The following EFNA5 variants were observed in gnomAD, a reference collection of about 807,000 sequenced individuals.
The protein encoded by EFNA5 is ephrin A5.
A neutral mutation model predicts 22.9 loss-of-function variants in EFNA5; 5 were observed. That is an observed-to-expected ratio of 0.22 (90% CI 0.11 to 0.46). The LOEUF is 0.46. Ranked by LOEUF, EFNA5 falls within the 20% of genes least tolerant of loss-of-function variation. The probability of loss-of-function intolerance (pLI) is 0.99; values close to 1 mark genes in which losing one functional copy is unlikely to be tolerated. For synonymous variants in EFNA5, 113 were observed against 112.2 expected (o/e 1.01, Z -0.04); for missense variants, 237 against 293.3 (o/e 0.81, Z 1.40).
chr5:107,417,926 A>C (rs1435045441), intron 2 of EFNA5, among the ~76,000 whole-genome samples: 3 of 152,198 alleles, frequency 2.0e-5, no homozygotes, highest in Admixed American at 6.5e-5. Flanking sequence ...AAGTCTGTAG[A>C]AATAGTATTT....
chr5:107,570,732 TTAA>T (rs1034526355), intron 1 of EFNA5, among the ~76,000 whole-genome samples: 7 of 151,964 alleles, frequency 4.6e-5, no homozygotes, highest in African/African-American at 1.7e-4. Flanking sequence ...TGAAAAAAAA[TTAA>T]TGTTGGAACC....
chr5:107,567,212 CA>C (rs532366211), intron 1 of EFNA5, among the ~76,000 whole-genome samples: 14 of 149,852 alleles, frequency 9.3e-5, no homozygotes, highest in Non-Finnish European at 1.5e-4. Context: ...CATTCCGCAC[CA>C]AAAAAAAAGG....
In EFNA5 at chr5:107,589,871, T is replaced by C. The variant is rs555934830; in HGVS notation, c.125+80618A>G. Among the ~76,000 whole-genome samples, 6 of 152,268 alleles carry C rather than the reference T, an allele frequency of 3.9e-5. No individual in the cohort carries two copies. In the East Asian group the frequency reaches 1.2e-3, roughly 29 times the overall value. On this transcript the variant is annotated intron_variant, in intron 1 of 4. Transcript: ENST00000333274. ...GCTAAGAAAACTTAAATGACTTGGGTTTTTCTTCTTCTGCTTTTAGTTAAA... is the reference window on the plus strand; with the variant it reads ...GCTAAGAAAACTTAAATGACTTGGGCTTTTCTTCTTCTGCTTTTAGTTAAA...
At chr5:107,408,149 T>C (rs1264201503) in intron 2 of EFNA5, among the ~76,000 whole-genome samples, 1 of 151,890 alleles carries the variant, frequency 6.6e-6, no homozygotes, top group Non-Finnish European at 1.5e-5. Context: ...ACTACCACAA[T>C]GTGCCCTCAG....
At chr5:107,537,844 G>T (rs1006995421) in intron 1 of EFNA5, among the ~76,000 whole-genome samples, 3 of 152,246 alleles carry the variant, frequency 2.0e-5, no homozygotes, top group East Asian at 1.9e-4. Context: ...TTAAACTATG[G>T]TCGTGAGACC....
At chr5:107,417,487 C>G (rs771270101) in intron 2 of EFNA5, among the ~76,000 whole-genome samples, 1 of 152,090 alleles carries the variant, frequency 6.6e-6, no homozygotes, top group Non-Finnish European at 1.5e-5. Flanking sequence ...CCCTATTAAA[C>G]AGAGGTAAGC....
At chr5:107,467,983 C>A (rs1482644860) in intron 1 of EFNA5, among the ~76,000 whole-genome samples, 1 of 152,196 alleles carries the variant, frequency 6.6e-6, no homozygotes, top group African/African-American at 2.4e-5. Context: ...ACATTTACAG[C>A]CAAACTTTCA....
intron 1 of EFNA5, among the ~76,000 whole-genome samples, chr5:107,495,302 C>T (rs545652780): frequency 6.6e-6 from 1 of 152,194 alleles, no homozygotes; most frequent in African/African-American, 2.4e-5. Flanking sequence ...GACGAGCCGC[C>T]TTAAGAGCTG....
At chr5:107,611,594 A>G (rs974716662) in intron 1 of EFNA5, among the ~76,000 whole-genome samples, 1 of 152,062 alleles carries the variant, frequency 6.6e-6, no homozygotes, top group Non-Finnish European at 1.5e-5. Context: ...TATTTCCTTT[A>G]TTTTTCTCTT....
At chr5:107,656,078 T>A (rs759135720) in intron 1 of EFNA5, among the ~76,000 whole-genome samples, 1 of 152,164 alleles carries the variant, frequency 6.6e-6, no homozygotes, top group Non-Finnish European at 1.5e-5. Context: ...AAGCTCCTCA[T>A]TGGAAATACA....
intron 1 of EFNA5, among the ~76,000 whole-genome samples, chr5:107,550,180 T>C (rs1006567127): frequency 1.3e-5 from 2 of 152,218 alleles, no homozygotes; most frequent in Admixed American, 1.3e-4. Context: ...TTCTGATGGG[T>C]ACACAAAACT....
At chr5:107,542,231 A>G (rs1461191483) in intron 1 of EFNA5, among the ~76,000 whole-genome samples, 3 of 152,122 alleles carry the variant, frequency 2.0e-5, no homozygotes, top group Admixed American at 1.3e-4. Context: ...AAAAGTCAAA[A>G]TCTTGAAAAA....
At chr5:107,460,499 A>T (rs152579) in intron 1 of EFNA5, among the ~76,000 whole-genome samples, 2 of 151,606 alleles carry the variant, frequency 1.3e-5, no homozygotes, top group South Asian at 4.1e-4. Flanking sequence ...CACAGCAAGC[A>T]TATCAGTGTA....
At chr5:107,650,323 T>C (rs1393049119) in intron 1 of EFNA5, among the ~76,000 whole-genome samples, 1 of 152,154 alleles carries the variant, frequency 6.6e-6, no homozygotes, top group Admixed American at 6.5e-5. Flanking sequence ...GTTGTCTCTC[T>C]GGAGATTAGG....
chr5:107,587,057 C>A (rs191466797), intron 1 of EFNA5, among the ~76,000 whole-genome samples: 1 of 152,236 alleles, frequency 6.6e-6, no homozygotes, highest in Admixed American at 6.5e-5. Flanking sequence ...TTGTAGATTG[C>A]ATTTATTTTC....
At chr5:107,589,522 G>C (rs1749273207) in intron 1 of EFNA5, among the ~76,000 whole-genome samples, 1 of 152,128 alleles carries the variant, frequency 6.6e-6, no homozygotes, top group South Asian at 2.1e-4. Flanking sequence ...CTTTGCCATA[G>C]TTAGCATTTA....
At chr5:107,635,810 G>A (rs1421804940) in intron 1 of EFNA5, among the ~76,000 whole-genome samples, 1 of 152,136 alleles carries the variant, frequency 6.6e-6, no homozygotes, top group Non-Finnish European at 1.5e-5. Context: ...TGAAGTCCAG[G>A]TTAGTAAAAG....
intron 1 of EFNA5, among the ~76,000 whole-genome samples, chr5:107,554,892 C>G (rs1748374967): frequency 6.6e-6 from 1 of 152,220 alleles, no homozygotes; most frequent in African/African-American, 2.4e-5. Flanking sequence ...GGGACATTTA[C>G]TACTACGTTC....
chr5:107,612,827 T>C (rs1317306171), intron 1 of EFNA5, among the ~76,000 whole-genome samples: 1 of 152,142 alleles, frequency 6.6e-6, no homozygotes, highest in African/African-American at 2.4e-5. Context: ...ATTTTGTGTT[T>C]ACCAGACTGT....
Sources: gnomAD v4.1 joint callset for allele counts (sites outside exome capture counted in the v4.1 genomes callset) on GRCh38, gnomAD v4.1.1 for gene constraint, MANE v1.5 for transcripts, NCBI Gene and HGNC (gene_info 2026-07-23, HGNC 2026-07-21) for gene names.